The following DOCK10 variants were observed in gnomAD, a reference collection of about 807,000 sequenced individuals.
The protein encoded by DOCK10 is dedicator of cytokinesis 10, also known as dedicator of cytokinesis protein 10.
A neutral mutation model predicts 280.1 loss-of-function variants in DOCK10; 145 were observed. The observed-to-expected ratio is 0.52, with a 90% CI of 0.45 to 0.59. The LOEUF is 0.59. Ranked by LOEUF, DOCK10 falls within the 20% of genes least tolerant of loss-of-function variation. The probability of loss-of-function intolerance (pLI) is 0.00; values close to 1 mark genes in which losing one functional copy is unlikely to be tolerated. For missense variants in DOCK10, 2,368 were observed against 2,651.7 expected (o/e 0.89, Z 2.35); for synonymous variants, 915 against 942.2 (o/e 0.97, Z 0.53).
intron 1 of DOCK10, chr2:224,983,276 AG>A (rs1175930684): frequency 6.5e-6 from 1 of 154,338 alleles, no homozygotes; most frequent in African/African-American, 2.4e-5. Flanking sequence ...CTAGTCACTT[AG>A]GAAAGAACCA....
chr2:224,927,920 G>T (rs1702123978), intron 2 of DOCK10, among the ~76,000 whole-genome samples: 1 of 152,086 alleles, frequency 6.6e-6, no homozygotes, highest in Admixed American at 6.6e-5. Flanking sequence ...TAGAGGTGGG[G>T]GTGGGAAGCT....
At chr2:224,976,700 G>T (rs916974312) in intron 1 of DOCK10, among the ~76,000 whole-genome samples, 2 of 129,228 alleles carry the variant, frequency 1.5e-5, no homozygotes, top group East Asian at 2.1e-4. Flanking sequence ...AAAAAAAAAA[G>T]GTTCCTTTGT....
At chr2:224,928,792 T>C (rs535187539) in intron 2 of DOCK10, among the ~76,000 whole-genome samples, 1 of 152,366 alleles carries the variant, frequency 6.6e-6, no homozygotes, top group East Asian at 1.9e-4. Context: ...CCCCACTTTG[T>C]CTAGGCCTTG....
intron 1 of DOCK10, among the ~76,000 whole-genome samples, chr2:225,035,332 T>G (rs1169934708): frequency 2.0e-5 from 3 of 151,730 alleles, no homozygotes; most frequent in African/African-American, 7.3e-5. Context: ...GTCAAGATCT[T>G]TAACTCTATG....
At position 224,793,430 on chromosome 2, in the gene DOCK10, CA is replaced by C; in HGVS notation, c.5181del (p.Ala1728LeufsTer7). On this transcript the variant is annotated frameshift_variant, in exon 46 of 56. Transcript: ENST00000258390. LOFTEE classifies it high-confidence loss of function. ...CTTTTCAGATACTCTGCAATGAGAG[CA>C]GCAATATGGATGTAACACATGGCAG... ...SEAAMCYIHI[A>X]ALIAEYLKRK... is the part of the protein sequence containing the mutation. 1 of 1,613,418 alleles carries C rather than the reference CA, an allele frequency of 6.2e-7. No homozygotes were observed. Among genetic ancestry groups the C allele is most frequent in the Non-Finnish European group, 8.5e-7 (1 of 1,179,638 alleles).
rs1403306719 is a variant in DOCK10 at position 224,770,907 on chromosome 2, C to G, written c.6205-262G>C. Among the ~76,000 whole-genome samples the G allele has an allele frequency of 6.6e-6, 1 of 151,428 alleles. No individual in the cohort carries two copies. Among genetic ancestry groups the G allele is most frequent in the Non-Finnish European group, 1.5e-5 (1 of 67,880 alleles). ...TTCACATTTTTTTTTTTTGTCATAT[C>G]TGTACGTTGCTTGAACTACTATTTT... On this transcript the variant is annotated intron_variant, in intron 53 of 55. Transcript: ENST00000258390. This position sits in a 1 kb window ranked among gnomAD's most constrained non-coding sequence, Gnocchi z 4.5.
intron 3 of DOCK10, among the ~76,000 whole-genome samples, chr2:224,916,348 C>A (rs1701311876): frequency 6.6e-6 from 1 of 152,152 alleles, no homozygotes; most frequent in South Asian, 2.1e-4. Context: ...CGAGAGCAGC[C>A]TGGCCAACAT....
chr2:225,018,950 T>C (rs995381687), intron 1 of DOCK10, among the ~76,000 whole-genome samples: 1 of 150,410 alleles, frequency 6.6e-6, no homozygotes, highest in African/African-American at 2.4e-5. Context: ...TATATATGTA[T>C]ATATGTGTAT....
intron 2 of DOCK10, 44 bp from the exon 3 acceptor site, chr2:224,916,828 G>T: frequency 6.8e-7 from 1 of 1,461,968 alleles, no homozygotes; most frequent in Non-Finnish European, 9.5e-7. Flanking sequence ...CGGCTTAGAA[G>T]TGTCGAGCAG....
At position 224,796,410 on chromosome 2, in the gene DOCK10, C is replaced by T; in HGVS notation, c.4844G>A (p.Ser1615Asn). The T allele has an allele frequency of 6.4e-7, 1 of 1,563,584 alleles. No homozygotes were observed. ...RSHLQLIKAV[S>N]QLIADAGIGG... ...AATCCCAGCATCGGCTATTAACTGG[C>T]TCACAGCTTTGATGAGCTAGAAAAG... is the stretch of plus-strand genomic sequence containing the variant. The change falls in exon 44 of 56, where the codon AGC (serine) becomes AAC (asparagine). Residue 1615 changes from serine (S) to asparagine (N), a missense_variant. Physicochemically the swap from Ser to Asn is conservative, Grantham distance 46 (BLOSUM62 1). This residue lies in a region of DOCK10 where 1,159 missense variants were observed against 1,400.8 expected (regional missense o/e 0.83). Transcript: ENST00000258390.
intron 27 of DOCK10, among the ~76,000 whole-genome samples, chr2:224,825,463 T>C (rs974349242): frequency 9.2e-5 from 14 of 152,234 alleles, no homozygotes; most frequent in African/African-American, 3.1e-4. Flanking sequence ...ACTTGGGTAA[T>C]AAAGGTAAAC....
intron 29 of DOCK10, among the ~76,000 whole-genome samples, chr2:224,818,100 T>A (rs910924216): frequency 6.6e-6 from 1 of 152,208 alleles, no homozygotes. Context: ...ATGGCTTCAG[T>A]TGATTCATTT....
chr2:224,967,375 C>T (rs1452026092), intron 1 of DOCK10, among the ~76,000 whole-genome samples: 1 of 152,142 alleles, frequency 6.6e-6, no homozygotes, highest in Non-Finnish European at 1.5e-5. Flanking sequence ...CCACCGCGCC[C>T]AGCCGGCCTA....
chr2:224,812,265 A>T (rs1243496976), intron 31 of DOCK10, among the ~76,000 whole-genome samples: 1 of 151,898 alleles, frequency 6.6e-6, no homozygotes, highest in African/African-American at 2.4e-5. Flanking sequence ...ATGGTAGTTC[A>T]CTCATGATTT....
At chr2:224,990,617 G>T (rs1025534829) in intron 1 of DOCK10, among the ~76,000 whole-genome samples, 1 of 151,978 alleles carries the variant, frequency 6.6e-6, no homozygotes, top group African/African-American at 2.4e-5. Flanking sequence ...TGTTGTTGTT[G>T]TTTTTAAATC....
chr2:224,886,230 C>T (rs766587920), intron 5 of DOCK10, 45 bp from the exon 6 acceptor site: 2 of 1,612,090 alleles, frequency 1.2e-6, no homozygotes, highest in Middle Eastern at 1.7e-4. Flanking sequence ...TTTGTGGATC[C>T]TAGATCCTAG....
chr2:225,012,395 A>G (rs1278826918), intron 1 of DOCK10, among the ~76,000 whole-genome samples: 1 of 152,224 alleles, frequency 6.6e-6, no homozygotes, highest in African/African-American at 2.4e-5. Context: ...CAATACATCA[A>G]TCATCCAGAG....
chr2:224,928,936 T>C (rs546384771), intron 2 of DOCK10, among the ~76,000 whole-genome samples: 3 of 152,342 alleles, frequency 2.0e-5, no homozygotes, highest in South Asian at 2.1e-4. Context: ...AAACGCCTTA[T>C]CCTGTCCAGC....
At chr2:224,842,036 C>A (rs1250429234) in intron 22 of DOCK10, 140 bp from the exon 23 acceptor site, 4 of 637,848 alleles carry the variant, frequency 6.3e-6, no homozygotes, top group South Asian at 4.1e-5. Flanking sequence ...GTCAGAGGAA[C>A]AAAGCTTTGA....
Sources: allele counts gnomAD v4.1 joint callset (sites outside exome capture counted in the v4.1 genomes callset), GRCh38; gene constraint gnomAD v4.1.1; regional missense constraint gnomAD v4.1.1; non-coding constraint Gnocchi (gnomAD v3.1); transcripts MANE v1.5; gene names NCBI Gene and HGNC (gene_info 2026-07-23, HGNC 2026-07-21).